Variants in SORL1 observed in about 807,000 individuals in gnomAD.
SORL1 encodes the protein sortilin related receptor 1.
SORL1 carries 127 observed loss-of-function variants against 273.7 expected under a neutral mutation model. That is an observed-to-expected ratio of 0.46 (90% CI 0.40 to 0.54). The LOEUF (loss-of-function observed/expected upper bound fraction) is 0.54, where lower values mean the gene tolerates loss of function less well. SORL1 is among the 20% of genes least tolerant of loss of function. The pLI, the probability that SORL1 is intolerant of heterozygous loss-of-function variation, is 0.00. For synonymous variants in SORL1, 1,031 were observed against 1,067.4 expected (o/e 0.97, Z 0.66); for missense variants, 2,494 against 2,846.1 (o/e 0.88, Z 2.81).
At chr11:121,484,333 C>T (rs1388770038) in intron 3 of SORL1, among the ~76,000 whole-genome samples, 1 of 151,994 alleles carries the variant, frequency 6.6e-6, no homozygotes, top group East Asian at 1.9e-4. Flanking sequence ...TCATTTAGGC[C>T]CTGGAAGACA....
At chr11:121,470,964 C>A (rs1298654864) in intron 2 of SORL1, among the ~76,000 whole-genome samples, 1 of 152,202 alleles carries the variant, frequency 6.6e-6, no homozygotes, top group African/African-American at 2.4e-5. Flanking sequence ...GTTGAGACTA[C>A]AGGCTTGAGC....
At chr11:121,509,114 A>ATTT (rs558402196) in intron 6 of SORL1, among the ~76,000 whole-genome samples, 2 of 139,952 alleles carry the variant, frequency 1.4e-5, no homozygotes, top group Non-Finnish European at 3.1e-5. Flanking sequence ...TTCATTTATG[A>ATTT]TTTTTTTTTT....
intron 1 of SORL1, among the ~76,000 whole-genome samples, chr11:121,459,563 A>G (rs1164352801): frequency 6.6e-6 from 1 of 152,194 alleles, no homozygotes; most frequent in Non-Finnish European, 1.5e-5. Context: ...TCCTTCTGTC[A>G]GTCACTTAGT....
At chr11:121,568,183 ACTCTATTTGCTTTGTAATC>A (rs1178011561) in intron 22 of SORL1, among the ~76,000 whole-genome samples, 1 of 152,064 alleles carries the variant, frequency 6.6e-6, no homozygotes, top group Non-Finnish European at 1.5e-5. Context: ...CACTGTGCCT[ACTCTATTTGCTTTGTAATC>A]CTAACCCTGC....
Position 121,595,569 on chromosome 11 carries a change from A to C in SORL1, c.4370-54A>C. The C allele has an allele frequency of 1.3e-5, 19 of 1,464,396 alleles. No homozygotes were observed. The highest frequency in any genetic ancestry group is 1.6e-5 in the Non-Finnish European group (17 of 1,078,074). 90.7% of individuals were successfully genotyped at this position (1,464,396 alleles called of 1,614,324 possible). A position where few individuals can be genotyped will look rare whatever the true frequency, so the allele number is the denominator to read the frequency against. On this transcript the variant is annotated intron_variant, in intron 31 of 47. Coordinates refer to ENST00000260197, the MANE Select transcript of SORL1 (RefSeq NM_003105.6). The surrounding 1 kb of genome is among the most constrained non-coding windows in gnomAD (Gnocchi z 5.1). ...CCTAGCATATTGATTGGTTGCTGTTATTGGCCAGCTCCCTCAATATTAAAA... is the reference window on the plus strand; with the variant it reads ...CCTAGCATATTGATTGGTTGCTGTTCTTGGCCAGCTCCCTCAATATTAAAA...
rs780053569 is a variant in SORL1 at position 121,543,667 on chromosome 11, C to T, written c.1805C>T (p.Ser602Leu). 8 of 1,614,142 alleles carry T rather than the reference C, an allele frequency of 5.0e-6. No individual in the cohort carries two copies. The highest frequency in any genetic ancestry group is 3.3e-5 in the South Asian group (3 of 91,082). ...AGCACTGTCTTCACCATCTTTGGCT[C>T]GAACAAAGAGAATGTCCACAGCTGG... ...EKSTVFTIFG[S>L]NKENVHSWLI... The change falls in exon 13 of 48, where the codon TCG (serine) becomes TTG (leucine). Residue 602 changes from serine (S) to leucine (L), a missense_variant. Transcript: ENST00000260197.
intron 12 of SORL1, among the ~76,000 whole-genome samples, chr11:121,533,033 C>G (rs1862223966): frequency 6.6e-6 from 1 of 152,112 alleles, no homozygotes. Flanking sequence ...CCTGTCCTTT[C>G]TATCACAAAG....
chr11:121,520,012 A>T (rs1017168487), intron 8 of SORL1, among the ~76,000 whole-genome samples: 1 of 152,208 alleles, frequency 6.6e-6, no homozygotes, highest in Admixed American at 6.5e-5. Flanking sequence ...GCACTTTGGG[A>T]GGCCAAGGCA....
intron 46 of SORL1, 140 bp downstream of exon 46, chr11:121,625,417 T>A: frequency 1.4e-6 from 1 of 706,038 alleles, no homozygotes; most frequent in Non-Finnish European, 2.3e-6. Flanking sequence ...TATATCAGTT[T>A]GGTCAGGTAG....
chr11:121,512,091 C>G (rs997715740), intron 6 of SORL1, among the ~76,000 whole-genome samples: 2 of 152,124 alleles, frequency 1.3e-5, no homozygotes, highest in Admixed American at 6.5e-5. Flanking sequence ...TATAATAGTT[C>G]TTATCCTTTT....
intron 1 of SORL1, among the ~76,000 whole-genome samples, chr11:121,465,603 C>T (rs1565301141): frequency 1.3e-5 from 2 of 152,154 alleles, no homozygotes; most frequent in East Asian, 1.9e-4. Flanking sequence ...TCTTGGCTTA[C>T]TGCAACCTCT....
intron 4 of SORL1, 65 bp downstream of exon 4, chr11:121,488,258 TTG>T: frequency 6.5e-7 from 1 of 1,538,132 alleles, no homozygotes. Context: ...CCTGTGTGGA[TTG>T]TGTGTCCTTT....
At chr11:121,601,001 T>C (rs1863380219) in intron 32 of SORL1, among the ~76,000 whole-genome samples, 1 of 151,704 alleles carries the variant, frequency 6.6e-6, no homozygotes, top group South Asian at 2.1e-4. Context: ...ACCCACTAAC[T>C]CGTCATCTAA....
intron 30 of SORL1, chr11:121,590,501 A>T (rs2134899931): frequency 2.0e-6 from 1 of 507,836 alleles, no homozygotes; most frequent in Non-Finnish European, 3.5e-6. Flanking sequence ...CCCCAGACCT[A>T]CAGAGTCAGA....
intron 32 of SORL1, among the ~76,000 whole-genome samples, chr11:121,597,342 A>C (rs1416935890): frequency 6.6e-6 from 1 of 152,026 alleles, no homozygotes; most frequent in African/African-American, 2.4e-5. Flanking sequence ...TTTGTTGATC[A>C]TGCACAGCGT....
intron 42 of SORL1, 30 bp from the exon 43 acceptor site, chr11:121,619,723 T>C: frequency 6.3e-7 from 1 of 1,581,398 alleles, no homozygotes; most frequent in East Asian, 2.3e-5. Flanking sequence ...ATGATGTATT[T>C]TTTTTCCTAC....
intron 41 of SORL1, 41 bp downstream of exon 41, chr11:121,615,096 T>C (rs547692007): frequency 6.7e-6 from 10 of 1,491,444 alleles, no homozygotes; most frequent in Non-Finnish European, 9.1e-6. Context: ...GAGTGTGGAC[T>C]GTCCCCTAAT....
At chr11:121,521,613 A>G (rs764743691) in intron 9 of SORL1, among the ~76,000 whole-genome samples, 30 of 152,328 alleles carry the variant, frequency 2.0e-4, no homozygotes, top group South Asian at 8.3e-4. Flanking sequence ...ACCTGAGGTT[A>G]CAGAAACTCT....
rs553728237 is a variant in SORL1, at chr11:121,461,844, C to T, written c.286-8163C>T. On this transcript the variant is annotated intron_variant, in intron 1 of 47. Coordinates refer to ENST00000260197, the MANE Select transcript of SORL1 (RefSeq NM_003105.6). ...CTAATGTTAATGTTCTATGTGGAGCCGTTTTGTGAGGAATGGCTTATTTTG... is the reference window on the plus strand; with the variant it reads ...CTAATGTTAATGTTCTATGTGGAGCTGTTTTGTGAGGAATGGCTTATTTTG... 5.9e-5 allele frequency among the ~76,000 whole-genome samples: 9 copies of T among 152,142 alleles called. No homozygotes were observed. In the South Asian group the frequency reaches 1.2e-3, roughly 21 times the overall value.
Sources: allele counts gnomAD v4.1 joint callset (sites outside exome capture counted in the v4.1 genomes callset), GRCh38; gene constraint gnomAD v4.1.1; non-coding constraint Gnocchi (gnomAD v3.1); transcripts MANE v1.5; gene names NCBI Gene and HGNC (gene_info 2026-07-23, HGNC 2026-07-21).